TAMM41: variants seen among roughly 807,000 people sequenced by gnomAD.
TAMM41 encodes TAM41 mitochondrial translocator assembly and maintenance homolog, also known as phosphatidate cytidylyltransferase, mitochondrial.
Under a neutral mutation model 44.1 loss-of-function variants are expected in TAMM41, and 36 were observed. The observed-to-expected ratio is 0.82, with a 90% CI of 0.63 to 1.08. The LOEUF (loss-of-function observed/expected upper bound fraction) is 1.08, where lower values mean the gene tolerates loss of function less well. TAMM41 is among the 50% of genes least tolerant of loss of function. TAMM41 has a pLI of 0.00. For synonymous variants in TAMM41, 164 were observed against 153.1 expected, an observed-to-expected ratio of 1.07 and a Z score of -0.53; for missense variants, 417 against 404.3, an observed-to-expected ratio of 1.03 and a Z score of -0.27.
chr3:11,812,686 C>A (rs1229860530), intron 5 of TAMM41, among the ~76,000 whole-genome samples: 1 of 152,188 alleles, frequency 6.6e-6, no homozygotes, highest in Non-Finnish European at 1.5e-5. Flanking sequence ...GTCCAGCAGA[C>A]AAGGCAATGA....
chr3:11,745,066 T>C, the TAMM41 span, among the ~76,000 whole-genome samples: 1 of 152,144 alleles, frequency 6.6e-6, no homozygotes, highest in South Asian at 2.1e-4. Flanking sequence ...TTGCACCATG[T>C]TGGTCAGGCT....
At chr3:11,805,988 G>A (rs1375320720) in intron 7 of TAMM41, among the ~76,000 whole-genome samples, 4 of 152,134 alleles carry the variant, frequency 2.6e-5, no homozygotes, top group African/African-American at 7.2e-5. Context: ...TAAGTGTTAC[G>A]AGATCTGATG....
the TAMM41 span, among the ~76,000 whole-genome samples, chr3:11,768,004 T>C: frequency 3.3e-5 from 5 of 151,240 alleles, no homozygotes; most frequent in Admixed American, 3.3e-4. Context: ...ACTTCACACC[T>C]GTGGGGGTGA....
At chr3:11,810,271 C>G (rs1243192807) in intron 5 of TAMM41, among the ~76,000 whole-genome samples, 2 of 152,202 alleles carry the variant, frequency 1.3e-5, no homozygotes, top group Admixed American at 6.5e-5. Flanking sequence ...AAATGAGTAA[C>G]TGAATCAATA....
the TAMM41 span, among the ~76,000 whole-genome samples, chr3:11,770,722 C>G: frequency 6.6e-6 from 1 of 152,138 alleles, no homozygotes; most frequent in Non-Finnish European, 1.5e-5. Context: ...GAACAGAGCA[C>G]GCTTAGAGCA....
chr3:11,724,091 T>TTTTA, the TAMM41 span, among the ~76,000 whole-genome samples: 19 of 151,568 alleles, frequency 1.3e-4, no homozygotes, highest in Non-Finnish European at 1.5e-4. Context: ...ATTTTTATAT[T>TTTTA]TTTATTTATT....
chr3:11,764,483 A>ATTCTTTTTTTTT, the TAMM41 span, among the ~76,000 whole-genome samples: 1 of 86,330 alleles, frequency 1.2e-5, no homozygotes, highest in Non-Finnish European at 2.3e-5. Flanking sequence ...CCATAATCTT[A>ATTCTTTTTTTTT]TTCTTTTTTT....
downstream of TAMM41, among the ~76,000 whole-genome samples, chr3:11,790,129 G>A (rs186818511): frequency 5.3e-5 from 8 of 152,328 alleles, no homozygotes; most frequent in African/African-American, 1.9e-4. Context: ...ATGGAGACTA[G>A]AGACATAACA....
the TAMM41 span, among the ~76,000 whole-genome samples, chr3:11,766,733 A>AT: frequency 0.08 from 12,099 of 150,848 alleles, 1,605 homozygotes; most frequent in African/African-American, 0.27. Context: ...CATCTGGCAA[A>AT]TTTTTTTTAC....
chr3:11,807,726 C>T (rs1408920318), intron 7 of TAMM41, 107 bp downstream of exon 7: 1 of 1,536,116 alleles, frequency 6.5e-7, no homozygotes. Context: ...CATCAAAGCT[C>T]AGCATTTCAC....
intron 7 of TAMM41, among the ~76,000 whole-genome samples, chr3:11,803,100 C>T (rs139778252): frequency 4.6e-5 from 7 of 152,278 alleles, no homozygotes; most frequent in African/African-American, 1.2e-4. Flanking sequence ...GGTGAAACTC[C>T]GATTTTACTA....
chr3:11,804,745 A>G (rs1230068906), intron 7 of TAMM41, among the ~76,000 whole-genome samples: 2 of 152,224 alleles, frequency 1.3e-5, no homozygotes, highest in Non-Finnish European at 2.9e-5. Flanking sequence ...GATTAAATGA[A>G]TATCTTAACT....
chr3:11,791,788 C>T (rs2077483709), intron 7 of TAMM41, among the ~76,000 whole-genome samples: 1 of 152,198 alleles, frequency 6.6e-6, no homozygotes, highest in Non-Finnish European at 1.5e-5. Context: ...CTTCCAGACA[C>T]TCTGGCTTCG....
chr3:11,833,295 G>A (rs746582012), intron 3 of TAMM41: 13 of 492,650 alleles, frequency 2.6e-5, no homozygotes, highest in Non-Finnish European at 3.6e-5. Flanking sequence ...TTGGCTTAAA[G>A]GGACTTTCAA....
At position 11,846,853 on chromosome 3, in the gene TAMM41, G is replaced by C. The variant is rs555698351; in HGVS notation, c.-217C>G. 1.0e-5 allele frequency: 6 copies of C among 579,308 alleles called. No individual in the cohort carries two copies. Among genetic ancestry groups the C allele is most frequent in the African/African-American group, 7.5e-5 (4 of 53,320 alleles). 35.9% of individuals were successfully genotyped at this position (579,308 alleles called of 1,614,324 possible). ...AGAAGACGCAGCCCAGATAGGCTCG[G>C]GTGGGCGGCGGTCGCACAGGCAGAG... is the stretch of plus-strand genomic sequence containing the variant. On this transcript the variant is annotated 5_prime_UTR_variant, in exon 1 of 8. Coordinates refer to ENST00000455809, the MANE Select transcript of TAMM41 (RefSeq NM_001284401.2).
At chr3:11,790,095 C>A (rs1453938528), downstream of TAMM41, among the ~76,000 whole-genome samples, 1 of 152,016 alleles carries the variant, frequency 6.6e-6, no homozygotes, top group Non-Finnish European at 1.5e-5. Context: ...CGAGCCCCTG[C>A]TGGAAAAAAA....
At chr3:11,837,676 T>A (rs571774891) in intron 3 of TAMM41, among the ~76,000 whole-genome samples, 1 of 152,296 alleles carries the variant, frequency 6.6e-6, no homozygotes, top group African/African-American at 2.4e-5. Flanking sequence ...ATTCAATGGT[T>A]ACTGAAGGAT....
chr3:11,747,497 G>A, the TAMM41 span, among the ~76,000 whole-genome samples: 1 of 152,122 alleles, frequency 6.6e-6, no homozygotes, highest in Non-Finnish European at 1.5e-5. Flanking sequence ...GATGGGGCAC[G>A]GTGACTCACA....
At chr3:11,766,764 C>T in the TAMM41 span, among the ~76,000 whole-genome samples, 1 of 151,746 alleles carries the variant, frequency 6.6e-6, no homozygotes, top group African/African-American at 2.4e-5. Flanking sequence ...AGATGAGGGT[C>T]TCACTTTGTT....
Sources: allele counts gnomAD v4.1 joint callset (sites outside exome capture counted in the v4.1 genomes callset), GRCh38; gene constraint gnomAD v4.1.1; transcripts MANE v1.5; gene names NCBI Gene and HGNC (gene_info 2026-07-23, HGNC 2026-07-21).